The following IPO11 variants were observed in gnomAD, a reference collection of about 807,000 sequenced individuals.
IPO11 encodes the protein importin 11.
A neutral mutation model predicts 143.2 loss-of-function variants in IPO11; 66 were observed. The observed-to-expected ratio is 0.46, with a 90% CI of 0.38 to 0.57. The LOEUF (loss-of-function observed/expected upper bound fraction) is 0.57. IPO11 is among the 20% of genes least tolerant of loss of function. The pLI is 0.00. For missense variants in IPO11, 1,026 were observed against 1,141.0 expected (o/e 0.90, Z 1.45); for synonymous variants, 385 against 377.8 (o/e 1.02, Z -0.22).
intron 27 of IPO11, chr5:62,580,895 T>A: frequency 6.4e-7 from 1 of 1,551,412 alleles, no homozygotes; most frequent in Non-Finnish European, 8.7e-7. Context: ...CCTGTGCAAA[T>A]ACAACTTACT....
At position 62,561,095 on chromosome 5, in the gene IPO11, A is replaced by G. The variant is rs138727887; in HGVS notation, c.2461-41A>G. On this transcript the variant is annotated intron_variant, in intron 26 of 29. Coordinates refer to ENST00000325324, the MANE Select transcript of IPO11 (RefSeq NM_016338.5). ...AAAAGTATTTACCCACAAGTAAAAC[A>G]TATTTTAGGTATTTTGAGATGCCTC... 34 of 1,549,634 alleles carry G rather than the reference A, an allele frequency of 2.2e-5. No individual in the cohort carries two copies. In the East Asian group the frequency reaches 6.6e-4, roughly 30 times the overall value.
intron 29 of IPO11, among the ~76,000 whole-genome samples, chr5:62,618,117 C>T (rs776440273): frequency 2.6e-5 from 4 of 151,846 alleles, no homozygotes; most frequent in Non-Finnish European, 5.9e-5. Context: ...AAAGAAAATC[C>T]CTGGTTTCTT....
At chr5:62,621,544 A>G (rs1282409066) in intron 29 of IPO11, among the ~76,000 whole-genome samples, 1 of 152,058 alleles carries the variant, frequency 6.6e-6, no homozygotes, top group African/African-American at 2.4e-5. Flanking sequence ...TTCGGCCTTC[A>G]GGCTGTTTTA....
At chr5:62,540,906 G>A (rs1022049525) in intron 24 of IPO11, among the ~76,000 whole-genome samples, 5 of 152,214 alleles carry the variant, frequency 3.3e-5, no homozygotes. Context: ...TAATTTGGCT[G>A]TAGAGAAACA....
At chr5:62,469,076 T>A (rs1182544693) in intron 6 of IPO11, among the ~76,000 whole-genome samples, 1 of 152,134 alleles carries the variant, frequency 6.6e-6, no homozygotes, top group Non-Finnish European at 1.5e-5. Flanking sequence ...ACTGATAATA[T>A]GATCAGAAAA....
rs1278137853 is a variant in IPO11 at position 62,511,082 on chromosome 5, T to G, written c.1783-4306T>G. Among the ~76,000 whole-genome samples, 7 of 152,334 alleles carry G rather than the reference T, an allele frequency of 4.6e-5. No individual in the cohort carries two copies. In the East Asian group the frequency reaches 1.2e-3, roughly 25 times the overall value. ...TATTTTTATAGCATTAATTTTAATT[T>G]AGAACATTGTATATTCTAATGACAG... is the stretch of plus-strand genomic sequence containing the variant. On this transcript the variant is annotated intron_variant, in intron 19 of 29. Coordinates refer to ENST00000325324, the MANE Select transcript of IPO11 (RefSeq NM_016338.5).
At chr5:62,475,357 C>G (rs1291457738) in intron 8 of IPO11, among the ~76,000 whole-genome samples, 1 of 152,072 alleles carries the variant, frequency 6.6e-6, no homozygotes, top group Non-Finnish European at 1.5e-5. Flanking sequence ...CCTGTCTCTA[C>G]AAAAAATATT....
rs546633931 is a variant in IPO11, at chr5:62,483,048, A to T, written c.829-53A>T. 2.9e-5 allele frequency: 33 copies of T among 1,142,788 alleles called. No homozygotes were observed. In the African/African-American group the frequency reaches 4.7e-4, roughly 16 times the overall value. The allele number at this position is 1,142,788 out of a possible 1,614,324, so 70.8% of individuals were successfully genotyped here. ...TTATAATTGGAGTGATTATATTCCA[A>T]TATGAATTTGGGGAAAATACATTTT... On this transcript the variant is annotated intron_variant, in intron 9 of 29. Transcript: ENST00000325324.
chr5:62,438,764 G>C (rs900841284), intron 2 of IPO11, among the ~76,000 whole-genome samples: 14 of 147,256 alleles, frequency 9.5e-5, no homozygotes, highest in Admixed American at 1.3e-4. Flanking sequence ...AAAAAAAAAG[G>C]GGGGGAGCAG....
intron 2 of IPO11, among the ~76,000 whole-genome samples, chr5:62,441,123 T>A (rs905592400): frequency 2.6e-5 from 4 of 152,196 alleles, no homozygotes; most frequent in Admixed American, 2.6e-4. Flanking sequence ...TATTATTATT[T>A]GGATTAACAT....
intron 16 of IPO11, among the ~76,000 whole-genome samples, chr5:62,502,805 T>C (rs1001730809): frequency 6.6e-6 from 1 of 152,002 alleles, no homozygotes; most frequent in African/African-American, 2.4e-5. Context: ...TTCTTTTCCT[T>C]TCCTTTCCTT....
chr5:62,620,608 AT>A (rs1561391000), intron 29 of IPO11, among the ~76,000 whole-genome samples: 2 of 151,796 alleles, frequency 1.3e-5, no homozygotes, highest in African/African-American at 4.8e-5. Context: ...GTAGATTTAA[AT>A]TTTTCTGGTT....
chr5:62,485,885 A>T (rs906480591), intron 12 of IPO11, among the ~76,000 whole-genome samples: 1 of 151,096 alleles, frequency 6.6e-6, no homozygotes, highest in Non-Finnish European at 1.5e-5. Flanking sequence ...GATTCCCAAC[A>T]TTAAGTCAGA....
At chr5:62,468,462 G>T (rs1348751450) in intron 6 of IPO11, among the ~76,000 whole-genome samples, 2 of 152,136 alleles carry the variant, frequency 1.3e-5, no homozygotes, top group African/African-American at 4.8e-5. Context: ...AAGGACTGTT[G>T]AAAAATAAAA....
chr5:62,425,558 T>C (rs1401036203), intron 1 of IPO11, among the ~76,000 whole-genome samples: 1 of 152,166 alleles, frequency 6.6e-6, no homozygotes, highest in East Asian at 1.9e-4. Context: ...CCTCAGGTGA[T>C]CCACCCGCCC....
chr5:62,600,326 G>A (rs940817070), intron 28 of IPO11, among the ~76,000 whole-genome samples: 6 of 152,218 alleles, frequency 3.9e-5, no homozygotes, highest in African/African-American at 9.6e-5. Context: ...GATTACAGGT[G>A]TATGCCACCA....
chr5:62,558,666 A>C (rs1171639498), intron 26 of IPO11, among the ~76,000 whole-genome samples: 1 of 152,244 alleles, frequency 6.6e-6, no homozygotes, highest in Admixed American at 6.5e-5. Context: ...GAAATAAAAA[A>C]CGCAGTTTTT....
chr5:62,580,983 A>G (rs1252051539), intron 27 of IPO11: 6 of 1,551,208 alleles, frequency 3.9e-6, no homozygotes, highest in Admixed American at 2.0e-5. Flanking sequence ...AAACATCTCT[A>G]ATTTGTACAC....
intron 28 of IPO11, among the ~76,000 whole-genome samples, chr5:62,598,399 T>G (rs13184912): frequency 0.058 from 617 of 10,662 alleles, 34 homozygotes; most frequent in African/African-American, 0.11. Context: ...TTGCTTTCTT[T>G]CTTTCTTTCT....
Sources: gnomAD v4.1 joint callset for allele counts (sites outside exome capture counted in the v4.1 genomes callset) on GRCh38, gnomAD v4.1.1 for gene constraint, MANE v1.5 for transcripts, NCBI Gene and HGNC (gene_info 2026-07-23, HGNC 2026-07-21) for gene names.